The following SNTG2 variants were observed in gnomAD, a reference collection of about 807,000 sequenced individuals.
The protein encoded by SNTG2 is gamma-2-syntrophin.
Under a neutral mutation model 70.9 loss-of-function variants are expected in SNTG2, and 74 were observed. The observed-to-expected ratio is 1.04, with a 90% CI of 0.86 to 1.27. The LOEUF (loss-of-function observed/expected upper bound fraction) is 1.27, where lower values mean the gene tolerates loss of function less well. SNTG2 is among the 50% of genes most tolerant of loss of function. SNTG2 has a pLI of 0.00. For synonymous variants in SNTG2, 278 were observed against 273.8 expected (o/e 1.02, Z -0.15); for missense variants, 717 against 690.7 (o/e 1.04, Z -0.43).
intron 6 of SNTG2, among the ~76,000 whole-genome samples, chr2:1,138,243 C>G (rs752075982): frequency 3.9e-5 from 6 of 152,180 alleles, no homozygotes; most frequent in Non-Finnish European, 8.8e-5. Flanking sequence ...CAGCAGCACA[C>G]GTGCATAGAA....
chr2:1,090,059 T>G (rs549515179), intron 2 of SNTG2, among the ~76,000 whole-genome samples: 1 of 152,196 alleles, frequency 6.6e-6, no homozygotes, highest in South Asian at 2.1e-4. Flanking sequence ...GACAACATAT[T>G]TTTTGTGTGT....
At chr2:1,006,123 T>A (rs865841398) in intron 1 of SNTG2, among the ~76,000 whole-genome samples, 11 of 133,396 alleles carry the variant, frequency 8.2e-5, no homozygotes, top group East Asian at 2.3e-4. Context: ...AACAATGAGA[T>A]CACATGGACA....
intron 4 of SNTG2, among the ~76,000 whole-genome samples, chr2:1,136,227 C>T (rs1181193717): frequency 6.6e-6 from 1 of 151,682 alleles, no homozygotes; most frequent in Non-Finnish European, 1.5e-5. Flanking sequence ...TCCAGATAAT[C>T]AATACATGTT....
chr2:1,202,070 C>G (rs756202112), intron 8 of SNTG2, among the ~76,000 whole-genome samples: 1 of 152,070 alleles, frequency 6.6e-6, no homozygotes, highest in Non-Finnish European at 1.5e-5. Context: ...AAAACATGCT[C>G]TTCAAGCTGG....
chr2:1,290,971 T>G (rs1359326481), intron 14 of SNTG2, among the ~76,000 whole-genome samples: 1 of 152,154 alleles, frequency 6.6e-6, no homozygotes, highest in Non-Finnish European at 1.5e-5. Context: ...TACACAAGGG[T>G]TCTAATTTCT....
intron 1 of SNTG2, among the ~76,000 whole-genome samples, chr2:1,035,712 A>G (rs1661091105): frequency 6.6e-6 from 1 of 152,076 alleles, no homozygotes; most frequent in Non-Finnish European, 1.5e-5. Flanking sequence ...AATGGGCACG[A>G]TCCTCCTTTT....
chr2:1,256,096 T>G (rs10178656), intron 12 of SNTG2, among the ~76,000 whole-genome samples: 45,294 of 150,916 alleles, frequency 0.3, 7,536 homozygotes, highest in African/African-American at 0.45. Flanking sequence ...GGCTGTATAT[T>G]TTTATTTATG....
chr2:1,268,377 TTTCA>T (rs767645501), intron 14 of SNTG2, among the ~76,000 whole-genome samples: 2 of 152,202 alleles, frequency 1.3e-5, no homozygotes, highest in African/African-American at 2.4e-5. Context: ...GTTATTTATC[TTTCA>T]TTCACGTTGT....
rs544885014 is a variant in SNTG2, at chr2:1,352,149, A to T, written c.1489-15194A>T. 3.9e-5 allele frequency among the ~76,000 whole-genome samples: 6 copies of T among 152,200 alleles called. No individual in the cohort carries two copies. In the South Asian group the frequency reaches 1.2e-3, roughly 32 times the overall value. ...CCTGCCTTTTTCTGGAACCTCTTCC[A>T]CCCACACCATGCCCAACTGTAAAAA... On this transcript the variant is annotated intron_variant, in intron 16 of 16. Transcript: ENST00000308624.
intron 14 of SNTG2, among the ~76,000 whole-genome samples, chr2:1,302,006 G>A (rs1572946004): frequency 6.6e-6 from 1 of 151,678 alleles, no homozygotes; most frequent in East Asian, 1.9e-4. Context: ...CTGTCACCCA[G>A]GCTGGAGTGC....
intron 16 of SNTG2, among the ~76,000 whole-genome samples, chr2:1,352,978 G>T (rs1371750037): frequency 1.3e-5 from 2 of 152,060 alleles, no homozygotes; most frequent in African/African-American, 4.8e-5. Flanking sequence ...CAGTTCAGGG[G>T]GCTCAGTGGG....
At chr2:1,300,495 G>T (rs1680413795) in intron 14 of SNTG2, among the ~76,000 whole-genome samples, 1 of 152,172 alleles carries the variant, frequency 6.6e-6, no homozygotes, top group Admixed American at 6.5e-5. Context: ...CGGCCCCAGG[G>T]TGCACATTGA....
intron 4 of SNTG2, among the ~76,000 whole-genome samples, chr2:1,110,201 G>A (rs554762820): frequency 2.0e-5 from 3 of 152,266 alleles, no homozygotes; most frequent in African/African-American, 7.2e-5. Flanking sequence ...TCCTGTCGTC[G>A]TCTAAAGTCA....
At chr2:1,262,788 T>TCCGTCCAGACAAGGC (rs1558611198) in intron 13 of SNTG2, 1 of 103,176 alleles carries the variant, frequency 9.7e-6, no homozygotes, top group African/African-American at 5.7e-5. Flanking sequence ...GCAGACGAGG[T>TCCGTCCAGACAAGGC]AACCGGAAGG....
At chr2:1,142,744 A>G (rs1444309848) in intron 6 of SNTG2, among the ~76,000 whole-genome samples, 2 of 152,218 alleles carry the variant, frequency 1.3e-5, no homozygotes, top group African/African-American at 4.8e-5. Flanking sequence ...TTCAATTCAG[A>G]ATCTCCAGTC....
At chr2:1,115,552 T>A (rs1666899278) in intron 4 of SNTG2, among the ~76,000 whole-genome samples, 1 of 152,042 alleles carries the variant, frequency 6.6e-6, no homozygotes, top group East Asian at 1.9e-4. Context: ...ATCCTTACAG[T>A]CCTTTGAGAA....
chr2:1,168,498 C>G (rs59564395), intron 7 of SNTG2, among the ~76,000 whole-genome samples: 3,491 of 152,326 alleles, frequency 0.023, 141 homozygotes, highest in African/African-American at 0.08. Flanking sequence ...GAGCCACTCC[C>G]CCATCACAAG....
chr2:1,221,995 G>C (rs1553361994), intron 9 of SNTG2, among the ~76,000 whole-genome samples: 3 of 2,118 alleles, frequency 1.4e-3, no homozygotes, highest in Non-Finnish European at 4.2e-3. Flanking sequence ...CTCTGTCTCT[G>C]TCTCTGTCTC....
In SNTG2 at chr2:1,105,978, G is replaced by A. The variant is rs533816282; in HGVS notation, c.325+7568G>A. Among the ~76,000 whole-genome samples the A allele has an allele frequency of 1.2e-3, 182 of 152,322 alleles. 2 individuals are homozygous for A. The South Asian group carries it at 0.017, about 15-fold the overall frequency. ...TCCTTGGTAATAGTGGGCGCACACT[G>A]TCATTGGGGTGCAGGGTATGGAGAG... is the stretch of plus-strand genomic sequence containing the variant. On this transcript the variant is annotated intron_variant, in intron 4 of 16. Coordinates refer to ENST00000308624, the MANE Select transcript of SNTG2 (RefSeq NM_018968.4).
Sources: gnomAD v4.1 joint callset for allele counts (sites outside exome capture counted in the v4.1 genomes callset) on GRCh38, gnomAD v4.1.1 for gene constraint, MANE v1.5 for transcripts, NCBI Gene and HGNC (gene_info 2026-07-23, HGNC 2026-07-21) for gene names.